Variants in DSCAM observed in about 807,000 individuals in gnomAD.
DSCAM encodes the protein cell adhesion molecule DSCAM.
In DSCAM, 47 loss-of-function variants were observed where a neutral mutation model predicts 217.7. The ratio of observed to expected loss-of-function variants is 0.22; its 90% confidence interval spans 0.17 to 0.28. The LOEUF is 0.28. Among genes scored for constraint, DSCAM ranks in the 10% least tolerant of loss-of-function variants. The pLI, the probability that DSCAM is intolerant of heterozygous loss-of-function variation, is 1.00. For synonymous variants in DSCAM, 1,056 were observed against 1,015.3 expected, an observed-to-expected ratio of 1.04 and a Z score of -0.76; for missense variants, 2,080 against 2,618.3, an observed-to-expected ratio of 0.79 and a Z score of 4.49.
chr21:40,466,751 T>C (rs1440940723), intron 3 of DSCAM, among the ~76,000 whole-genome samples: 2 of 152,126 alleles, frequency 1.3e-5, no homozygotes, highest in Non-Finnish European at 2.9e-5. Context: ...GAGGGTAACA[T>C]GTTATAAATT....
At chr21:40,566,919 A>G (rs2146196544) in intron 3 of DSCAM, among the ~76,000 whole-genome samples, 1 of 152,210 alleles carries the variant, frequency 6.6e-6, no homozygotes, top group Non-Finnish European at 1.5e-5. Context: ...GTGGGGATGG[A>G]CACAGGTTGA....
chr21:40,801,645 C>T (rs1383715495), intron 1 of DSCAM, among the ~76,000 whole-genome samples: 10 of 152,170 alleles, frequency 6.6e-5, no homozygotes, highest in African/African-American at 1.2e-4. Context: ...CACTCCAGAA[C>T]GGTGCTCCAC....
intron 1 of DSCAM, among the ~76,000 whole-genome samples, chr21:40,769,198 C>T (rs749431000): frequency 2.5e-4 from 36 of 145,752 alleles, no homozygotes; most frequent in Middle Eastern, 3.4e-3. Flanking sequence ...CAAGGATTGA[C>T]ACTTACATCT....
intron 11 of DSCAM, among the ~76,000 whole-genome samples, chr21:40,201,192 TG>T (rs1489292277): frequency 6.6e-6 from 1 of 152,188 alleles, no homozygotes; most frequent in African/African-American, 2.4e-5. Context: ...ATGACATGAT[TG>T]AATGTGTCAG....
chr21:40,147,904 A>C (rs1345043227), intron 16 of DSCAM, among the ~76,000 whole-genome samples: 2 of 152,138 alleles, frequency 1.3e-5, no homozygotes, highest in African/African-American at 4.8e-5. Flanking sequence ...GCTATGTTAG[A>C]CACCTTCACA....
At chr21:40,489,296 A>T (rs2076055237) in intron 3 of DSCAM, among the ~76,000 whole-genome samples, 1 of 152,124 alleles carries the variant, frequency 6.6e-6, no homozygotes, top group Non-Finnish European at 1.5e-5. Context: ...CAAGCAAAAT[A>T]ATTCTTCTGC....
Position 40,807,504 on chromosome 21 carries a change from C to A in DSCAM, c.43+39115G>T, listed in dbSNP as rs192236780. Among the ~76,000 whole-genome samples, 327 of 152,276 alleles carry A rather than the reference C, an allele frequency of 2.1e-3. 3 individuals are homozygous for A. The highest frequency in any genetic ancestry group is 7.4e-3 in the African/African-American group (306 of 41,542). On this transcript the variant is annotated intron_variant, in intron 1 of 32. Transcript: ENST00000400454. Reference sequence around the variant, plus strand: ...CGAGGGGGAGGACAGGCTTCCTGTCCACTCCTCTTGGAAAGCTTCTATGCA... The same window carrying A: ...CGAGGGGGAGGACAGGCTTCCTGTCAACTCCTCTTGGAAAGCTTCTATGCA...
chr21:40,720,462 T>TA (rs1003771397), intron 1 of DSCAM, among the ~76,000 whole-genome samples: 56 of 152,324 alleles, frequency 3.7e-4, no homozygotes, highest in African/African-American at 1.3e-3. Flanking sequence ...CAAGTCAGGT[T>TA]ATTAAAATGT....
Position 40,434,317 on chromosome 21 carries a change from G to T in DSCAM, c.509-65072C>A, listed in dbSNP as rs8129243. Among the ~76,000 whole-genome samples, 246 of 152,322 alleles carry T rather than the reference G, an allele frequency of 1.6e-3. 1 individual carries two copies. The highest frequency in any genetic ancestry group is 5.8e-3 in the African/African-American group (242 of 41,574). The stretch of plus-strand genomic sequence containing the variant: ...AGAGCAGTGTGCTCATGCCAACACG[G>T]AGACGCCAACAACGGCGTCAAACAT... On this transcript the variant is annotated intron_variant, in intron 3 of 32. Coordinates refer to ENST00000400454, the MANE Select transcript of DSCAM (RefSeq NM_001389.5).
intron 3 of DSCAM, among the ~76,000 whole-genome samples, chr21:40,553,135 C>T (rs2076643717): frequency 6.6e-6 from 1 of 152,206 alleles, no homozygotes; most frequent in Non-Finnish European, 1.5e-5. Flanking sequence ...CTCTTAGGGA[C>T]AGTTTCTATT....
At position 40,087,296 on chromosome 21, in the gene DSCAM, CCAAA is replaced by C. The variant is rs761981986; in HGVS notation, c.3851-13_3851-10del. On this transcript the variant is annotated splice_polypyrimidine_tract_variant and intron_variant, in intron 21 of 32. Coordinates refer to ENST00000400454, the MANE Select transcript of DSCAM (RefSeq NM_001389.5). Reference sequence around the variant, plus strand: ...CAGGATTCGTGCAGGAGCTGAGGAACCAAACAAAGTGGAATCCTGATTACTCCAC... The same window carrying C: ...CAGGATTCGTGCAGGAGCTGAGGAACCAAAGTGGAATCCTGATTACTCCAC... 3.1e-5 allele frequency: 49 copies of C among 1,606,330 alleles called. No homozygotes were observed. Among genetic ancestry groups the C allele is most frequent in the Non-Finnish European group, 3.9e-5 (46 of 1,173,082 alleles).
chr21:40,146,685 T>G (rs1045913933), intron 16 of DSCAM, among the ~76,000 whole-genome samples: 3 of 152,206 alleles, frequency 2.0e-5, no homozygotes, highest in Non-Finnish European at 4.4e-5. Context: ...CAGGTGTCAG[T>G]GAAACAGTCG....
At chr21:40,371,765 T>G (rs1277810357) in intron 3 of DSCAM, among the ~76,000 whole-genome samples, 1 of 152,126 alleles carries the variant, frequency 6.6e-6, no homozygotes, top group Non-Finnish European at 1.5e-5. Context: ...AATGAAGGAG[T>G]TGACATTAAC....
intron 14 of DSCAM, among the ~76,000 whole-genome samples, chr21:40,184,849 C>T (rs2090875863): frequency 6.6e-6 from 1 of 152,122 alleles, no homozygotes; most frequent in Admixed American, 6.5e-5. Flanking sequence ...TAGTTTAACA[C>T]AGAGGGTTTT....
At chr21:40,454,636 G>T (rs1433473179) in intron 3 of DSCAM, among the ~76,000 whole-genome samples, 1 of 152,156 alleles carries the variant, frequency 6.6e-6, no homozygotes, top group Non-Finnish European at 1.5e-5. Flanking sequence ...AGTGATTTCC[G>T]TACATGCAAA....
intron 9 of DSCAM, among the ~76,000 whole-genome samples, chr21:40,304,628 C>T (rs1019677156): frequency 2.0e-5 from 3 of 152,188 alleles, no homozygotes; most frequent in Non-Finnish European, 4.4e-5. Flanking sequence ...GAGAGATGTG[C>T]AATGAATGAT....
intron 3 of DSCAM, among the ~76,000 whole-genome samples, chr21:40,569,557 G>A (rs972253182): frequency 3.3e-5 from 5 of 152,116 alleles, no homozygotes; most frequent in Admixed American, 1.3e-4. Context: ...CCTGCCCTAC[G>A]GATTTCAGAC....
intron 10 of DSCAM, among the ~76,000 whole-genome samples, chr21:40,282,350 G>A (rs2123402086): frequency 6.6e-6 from 1 of 152,154 alleles, no homozygotes; most frequent in East Asian, 1.9e-4. Context: ...CACTTTGGGA[G>A]GCCGAGGCGG....
Position 40,683,039 on chromosome 21 carries a change from G to A in DSCAM, c.508+9771C>T, listed in dbSNP as rs140655644. 6.5e-3 allele frequency among the ~76,000 whole-genome samples: 993 copies of A among 152,314 alleles called. 6 individuals carry two copies. Among genetic ancestry groups the A allele is most frequent in the Non-Finnish European group, 0.01 (683 of 68,030 alleles). ...AGTCATGTAAGGACAGCAGGAAGGC[G>A]TCCATCTGCACGCCAGGATGAGGCC... On this transcript the variant is annotated intron_variant, in intron 3 of 32. Coordinates refer to ENST00000400454, the MANE Select transcript of DSCAM (RefSeq NM_001389.5).
Sources: gnomAD v4.1 joint callset for allele counts (sites outside exome capture counted in the v4.1 genomes callset) on GRCh38, gnomAD v4.1.1 for gene constraint, MANE v1.5 for transcripts, NCBI Gene and HGNC (gene_info 2026-07-23, HGNC 2026-07-21) for gene names.